ADAMTS17: variants seen among roughly 807,000 people sequenced by gnomAD.
ADAMTS17 encodes the protein A disintegrin and metalloproteinase with thrombospondin motifs 17.
A neutral mutation model predicts 141.5 loss-of-function variants in ADAMTS17; 113 were observed. The ratio of observed to expected loss-of-function variants is 0.80; its 90% CI spans 0.69 to 0.93. The LOEUF (loss-of-function observed/expected upper bound fraction) is 0.93. Among genes scored for constraint, ADAMTS17 ranks in the 40% least tolerant of loss-of-function variants. ADAMTS17 has a pLI of 0.00. For synonymous variants in ADAMTS17, 768 were observed against 630.6 expected, an observed-to-expected ratio of 1.22 and a Z score of -3.27; for missense variants, 1,659 against 1,517.9, an observed-to-expected ratio of 1.09 and a Z score of -1.54.
intron 7 of ADAMTS17, among the ~76,000 whole-genome samples, chr15:100,200,578 C>G (rs1055277130): frequency 6.6e-6 from 1 of 152,212 alleles, no homozygotes; most frequent in Non-Finnish European, 1.5e-5. Context: ...GGCAGTTCCT[C>G]GATATGCCCC....
In ADAMTS17 at chr15:99,976,815, C is replaced by G. The variant is rs77791251; in HGVS notation, c.2950-593G>C. On this transcript the variant is annotated intron_variant, in intron 20 of 21. Coordinates refer to ENST00000268070, the MANE Select transcript of ADAMTS17 (RefSeq NM_139057.4). Reference sequence around the variant, plus strand: ...CTGTAAGGAATAAATGTTTAAGCCACCAGGCTTCGGTACTTGGTGACAGCA... The same window carrying G: ...CTGTAAGGAATAAATGTTTAAGCCAGCAGGCTTCGGTACTTGGTGACAGCA... Among the ~76,000 whole-genome samples the G allele has an allele frequency of 2.7e-3, 410 of 152,320 alleles. 4 individuals are homozygous for G. The highest frequency in any genetic ancestry group is 9.1e-3 in the African/African-American group (378 of 41,560).
At chr15:100,144,234 A>G (rs2038791840) in intron 10 of ADAMTS17, among the ~76,000 whole-genome samples, 1 of 152,230 alleles carries the variant, frequency 6.6e-6, no homozygotes, top group Non-Finnish European at 1.5e-5. Context: ...GATGTTGGCC[A>G]CAATTTACAT....
At chr15:100,093,259 T>C (rs889934107) in intron 15 of ADAMTS17, among the ~76,000 whole-genome samples, 1 of 152,178 alleles carries the variant, frequency 6.6e-6, no homozygotes, top group African/African-American at 2.4e-5. Flanking sequence ...CGTGTGGGTC[T>C]GCCCTGGATT....
Position 100,199,352 on chromosome 15 carries a change from A to T in ADAMTS17, c.1147T>A (p.Leu383Met). The T allele has an allele frequency of 6.2e-7, 1 of 1,614,240 alleles. No homozygotes were observed. Among genetic ancestry groups the T allele is most frequent in the Non-Finnish European group, 8.5e-7 (1 of 1,180,034 alleles). The change falls in exon 8 of 22, where the codon TTG becomes ATG. Residue 383 changes from leucine to methionine, a missense_variant. Leu to Met is a conservative substitution (Grantham distance 15). Transcript: ENST00000268070. ...AGCTCATGGGCGATGGTAAAGGCCA[A>T]ATTGAGACCATTGTCTTCGGCAAGC... ...CVLAEDNGLN[L>M]AFTIAHELGH... is the part of the protein sequence containing the mutation.
chr15:100,109,260 C>CCAGCTCCTCTAAACACACGGCA (rs142688382), intron 13 of ADAMTS17, 144 bp from the exon 14 acceptor site: 5 of 1,165,354 alleles, frequency 4.3e-6, no homozygotes, highest in African/African-American at 3.0e-5. Flanking sequence ...GGTACGCGCT[C>CCAGCTCCTCTAAACACACGGCA]CAGGAAGCGG....
At chr15:100,320,439 C>T (rs763630853) in intron 3 of ADAMTS17, among the ~76,000 whole-genome samples, 1 of 152,164 alleles carries the variant, frequency 6.6e-6, no homozygotes, top group African/African-American at 2.4e-5. Context: ...GGGCAGAGGA[C>T]CTTTTGTAAC....
intron 3 of ADAMTS17, among the ~76,000 whole-genome samples, chr15:100,292,525 ACACT>A (rs2044679707): frequency 6.6e-6 from 1 of 151,736 alleles, no homozygotes; most frequent in Non-Finnish European, 1.5e-5. Flanking sequence ...ATTATGAGAG[ACACT>A]CACCCCGTGA....
intron 8 of ADAMTS17, among the ~76,000 whole-genome samples, chr15:100,185,754 C>A (rs1046866136): frequency 6.6e-6 from 1 of 152,212 alleles, no homozygotes; most frequent in East Asian, 1.9e-4. Flanking sequence ...CACATAAAGA[C>A]ACTCAGTCCT....
intron 8 of ADAMTS17, among the ~76,000 whole-genome samples, chr15:100,169,053 T>G (rs2040061253): frequency 6.6e-6 from 1 of 152,196 alleles, no homozygotes; most frequent in Non-Finnish European, 1.5e-5. Flanking sequence ...ATCACCACTG[T>G]GGGCTGTGTT....
chr15:100,239,412 C>A (rs932437755), intron 7 of ADAMTS17, among the ~76,000 whole-genome samples: 1 of 152,196 alleles, frequency 6.6e-6, no homozygotes, highest in African/African-American at 2.4e-5. Context: ...AGGGATACCG[C>A]AGTCGACCCT....
At chr15:100,177,734 T>G (rs1028151252) in intron 8 of ADAMTS17, among the ~76,000 whole-genome samples, 4 of 152,204 alleles carry the variant, frequency 2.6e-5, no homozygotes, top group Non-Finnish European at 5.9e-5. Flanking sequence ...AGAGGGAGGT[T>G]TTGAAAATAG....
chr15:100,278,845 G>A (rs2044190801), intron 4 of ADAMTS17, among the ~76,000 whole-genome samples: 3 of 152,164 alleles, frequency 2.0e-5, no homozygotes, highest in Non-Finnish European at 1.5e-5. Flanking sequence ...TGACATGGTG[G>A]TCATAGCTCT....
chr15:100,274,300 T>C (rs1174706133), intron 4 of ADAMTS17, among the ~76,000 whole-genome samples: 2 of 152,212 alleles, frequency 1.3e-5, no homozygotes, highest in South Asian at 2.1e-4. Flanking sequence ...TGTACAACTG[T>C]GTATTTCTCT....
chr15:100,147,285 T>G (rs1052020137), intron 10 of ADAMTS17, among the ~76,000 whole-genome samples: 15 of 152,158 alleles, frequency 9.9e-5, no homozygotes, highest in Non-Finnish European at 2.2e-4. Flanking sequence ...AGAACCTACG[T>G]GACTATCAGG....
intron 14 of ADAMTS17, among the ~76,000 whole-genome samples, chr15:100,099,515 G>A (rs2035967547): frequency 1.3e-5 from 2 of 152,186 alleles, no homozygotes; most frequent in South Asian, 2.1e-4. Flanking sequence ...CCAAGCCTGA[G>A]GAAACTCCAG....
intron 15 of ADAMTS17, among the ~76,000 whole-genome samples, chr15:100,095,507 G>A (rs1031725895): frequency 7.2e-5 from 11 of 152,248 alleles, no homozygotes; most frequent in Admixed American, 1.3e-4. Flanking sequence ...AAAATGAACT[G>A]AGAAGCTTCT....
chr15:100,133,338 A>G (rs2038156759), intron 10 of ADAMTS17, 23 bp from the exon 11 acceptor site: 9 of 1,560,624 alleles, frequency 5.8e-6, no homozygotes, highest in African/African-American at 1.4e-5. Flanking sequence ...GGAAGGAACC[A>G]TAATTGTGGA....
chr15:100,090,918 G>T (rs970342365), intron 15 of ADAMTS17, among the ~76,000 whole-genome samples: 4 of 150,240 alleles, frequency 2.7e-5, no homozygotes, highest in African/African-American at 9.9e-5. Context: ...TGAGGCGGGG[G>T]AATAGCTTGA....
chr15:99,994,193 G>C (rs1011860136), intron 19 of ADAMTS17, among the ~76,000 whole-genome samples: 8 of 152,188 alleles, frequency 5.3e-5, no homozygotes, highest in Admixed American at 1.3e-4. Context: ...TGACACAGGC[G>C]TAAACATATA....
Sources: gnomAD v4.1 joint callset for allele counts (sites outside exome capture counted in the v4.1 genomes callset) on GRCh38, gnomAD v4.1.1 for gene constraint, MANE v1.5 for transcripts, NCBI Gene and HGNC (gene_info 2026-07-23, HGNC 2026-07-21) for gene names.